Variants in MAP4K3 observed in about 807,000 individuals in gnomAD.
MAP4K3 encodes the protein mitogen-activated protein kinase kinase kinase kinase 3, also known as MAPK/ERK kinase kinase kinase 3.
Under a neutral mutation model 143.5 loss-of-function variants are expected in MAP4K3, and 94 were observed. The ratio of observed to expected loss-of-function variants is 0.65; its 90% CI spans 0.55 to 0.78. The LOEUF is 0.78. MAP4K3 is among the 30% of genes least tolerant of loss of function. The pLI is 0.00. For synonymous variants in MAP4K3, 416 were observed against 347.2 expected (o/e 1.20, Z -2.20); for missense variants, 1,077 against 1,068.1 (o/e 1.01, Z -0.12).
chr2:39,363,291 G>A (rs1173233490), intron 2 of MAP4K3, among the ~76,000 whole-genome samples: 1 of 152,112 alleles, frequency 6.6e-6, no homozygotes, highest in African/African-American at 2.4e-5. Context: ...GAAAATATTT[G>A]CAAACCATAT....
Position 39,325,789 on chromosome 2 carries a change from CA to C in MAP4K3, c.747del (p.Phe249LeufsTer2). On this transcript the variant is annotated frameshift_variant, in exon 11 of 34. Coordinates refer to ENST00000263881, the MANE Select transcript of MAP4K3 (RefSeq NM_003618.4). LOFTEE classifies it high-confidence loss of function. Reference sequence around the variant, plus strand: ...GGATTTTTGGTAAGTGCCATTTTCACAAAGTGATGAAAACTATTTGACCTAA... The same window carrying C: ...GGATTTTTGGTAAGTGCCATTTTCACAAGTGATGAAAACTATTTGACCTAA... ...KMKWSNSFHHFVKMALTKNPK... is the reference protein window; with the variant it reads ...KMKWSNSFHHXVKMALTKNPK... 1 of 1,609,016 alleles carries C rather than the reference CA, an allele frequency of 6.2e-7. No homozygotes were observed. The highest frequency in any genetic ancestry group is 8.5e-7 in the Non-Finnish European group (1 of 1,178,202).
intron 2 of MAP4K3, among the ~76,000 whole-genome samples, chr2:39,363,906 T>C (rs1462082185): frequency 1.3e-5 from 2 of 148,440 alleles, no homozygotes; most frequent in Admixed American, 1.4e-4. Flanking sequence ...AACAGATCTA[T>C]ATCAAAAGAT....
rs1395770891 is a variant in MAP4K3, at chr2:39,376,936, T to A, written c.154+1130A>T. 2.0e-5 allele frequency among the ~76,000 whole-genome samples: 3 copies of A among 152,292 alleles called. No homozygotes were observed. The East Asian group carries it at 5.8e-4, about 29-fold the overall frequency. On this transcript the variant is annotated intron_variant, in intron 2 of 33. Transcript: ENST00000263881. ...AAGAGTAGGAGATTCAGAAAAAAGA[T>A]AAACATCTTGTCTTGCGATGTTTAG...
chr2:39,415,471 ACAGT>A (rs1017638444), intron 1 of MAP4K3, among the ~76,000 whole-genome samples: 2 of 152,150 alleles, frequency 1.3e-5, no homozygotes, highest in African/African-American at 2.4e-5. Flanking sequence ...GAAAAAGGAG[ACAGT>A]CAATTAAAAG....
intron 7 of MAP4K3, among the ~76,000 whole-genome samples, chr2:39,332,990 T>C (rs1406985014): frequency 3.9e-5 from 6 of 152,122 alleles, no homozygotes; most frequent in East Asian, 1.9e-4. Context: ...CGAACACTTG[T>C]TCTTAAACTT....
chr2:39,352,734 A>G (rs1433745888), intron 3 of MAP4K3, among the ~76,000 whole-genome samples: 1 of 152,202 alleles, frequency 6.6e-6, no homozygotes, highest in Non-Finnish European at 1.5e-5. Context: ...AAGCGAGCAC[A>G]GCTACCCTGA....
intron 1 of MAP4K3, among the ~76,000 whole-genome samples, chr2:39,407,206 G>C (rs1667120170): frequency 1.3e-5 from 2 of 152,062 alleles, no homozygotes; most frequent in African/African-American, 4.8e-5. Flanking sequence ...AGGAAATAAA[G>C]AGAACTGTGC....
At position 39,285,791 on chromosome 2, in the gene MAP4K3, T is replaced by C. The variant is rs890381720; in HGVS notation, c.1587+1061A>G. ...AAAAACTTCCAAAAAACCCTATTCA[T>C]CTTGTTGACATCTGTTGAGATATTG... On this transcript the variant is annotated intron_variant, in intron 21 of 33. Coordinates refer to ENST00000263881, the MANE Select transcript of MAP4K3 (RefSeq NM_003618.4). Among the ~76,000 whole-genome samples, 39 of 152,272 alleles carry C rather than the reference T, an allele frequency of 2.6e-4. 1 individual carries two copies. Among genetic ancestry groups the C allele is most frequent in the Non-Finnish European group, 5.1e-4 (35 of 68,008 alleles).
intron 2 of MAP4K3, 32 bp from the exon 3 acceptor site, chr2:39,356,371 A>G (rs1318072456): frequency 8.1e-7 from 1 of 1,236,934 alleles, no homozygotes; most frequent in Non-Finnish European, 1.2e-6. Flanking sequence ...TTGAATATTT[A>G]GAGGTAAGTT....
chr2:39,433,043 A>G (rs1483972925), intron 1 of MAP4K3, among the ~76,000 whole-genome samples: 1 of 152,232 alleles, frequency 6.6e-6, no homozygotes, highest in Non-Finnish European at 1.5e-5. Context: ...AGGTTAAGCA[A>G]AGTTTACCAG....
chr2:39,400,538 T>C (rs1030908674), intron 1 of MAP4K3, among the ~76,000 whole-genome samples: 4 of 152,132 alleles, frequency 2.6e-5, no homozygotes, highest in Non-Finnish European at 1.5e-5. Context: ...TTCCCCTTCA[T>C]TTAGTTCCTG....
rs147630307 is a variant in MAP4K3, at chr2:39,354,397, C to A, written c.245+1852G>T. On this transcript the variant is annotated intron_variant, in intron 3 of 33. Coordinates refer to ENST00000263881, the MANE Select transcript of MAP4K3 (RefSeq NM_003618.4). ...GGTGGAGCTTGCAGTGAGCTGAGAT[C>A]GCGCCACTGCACTCCAGCCTGGGTG... 7.3e-3 allele frequency among the ~76,000 whole-genome samples: 1,115 copies of A among 152,104 alleles called. 12 individuals carry two copies. The highest frequency in any genetic ancestry group is 0.025 in the African/African-American group (1,049 of 41,502).
At chr2:39,398,744 AATGATG>A (rs1253448472) in intron 1 of MAP4K3, among the ~76,000 whole-genome samples, 4 of 130,170 alleles carry the variant, frequency 3.1e-5, no homozygotes, top group African/African-American at 1.2e-4. Context: ...TAATAATAAT[AATGATG>A]ATGATAATAA....
At chr2:39,284,830 C>A (rs1681693326) in intron 21 of MAP4K3, among the ~76,000 whole-genome samples, 1 of 150,934 alleles carries the variant, frequency 6.6e-6, no homozygotes, top group Non-Finnish European at 1.5e-5. Flanking sequence ...GGCGACAGAG[C>A]GAGACTCCAT....
chr2:39,400,051 C>A (rs1249215028), intron 1 of MAP4K3, among the ~76,000 whole-genome samples: 2 of 152,162 alleles, frequency 1.3e-5, no homozygotes, highest in Non-Finnish European at 2.9e-5. Context: ...GACAATGCTA[C>A]CGACATCCAT....
At chr2:39,366,934 C>A (rs564669498) in intron 2 of MAP4K3, among the ~76,000 whole-genome samples, 154 of 152,102 alleles carry the variant, frequency 1.0e-3, no homozygotes, top group Non-Finnish European at 1.7e-3. Context: ...AAGCCCTGAT[C>A]AATAACACAG....
In MAP4K3 at chr2:39,280,302, C is replaced by A; in HGVS notation, c.1684G>T (p.Ala562Ser). 1.3e-6 allele frequency: 2 copies of A among 1,598,588 alleles called. No homozygotes were observed. The highest frequency in any genetic ancestry group is 1.7e-6 in the Non-Finnish European group (2 of 1,170,688). Residue 562 changes from alanine to serine, a missense_variant, in exon 23 of 34, where the codon GCA (alanine) becomes TCA (serine). Coordinates refer to ENST00000263881, the MANE Select transcript of MAP4K3 (RefSeq NM_003618.4). ...GTATCTGGGTTTATCCATGATGATGCACAGTGAATTTTCAAGGGACACCCA... is the reference window on the plus strand; with the variant it reads ...GTATCTGGGTTTATCCATGATGATGAACAGTGAATTTTCAAGGGACACCCA... ...FNGCPLKIHC[A>S]SSWINPDTRD...
intron 31 of MAP4K3, among the ~76,000 whole-genome samples, chr2:39,256,179 TCTTA>T (rs1680336025): frequency 6.6e-6 from 1 of 152,240 alleles, no homozygotes; most frequent in Non-Finnish European, 1.5e-5. Context: ...CTCTGAATTC[TCTTA>T]CTAACTCTAG....
At chr2:39,305,987 C>G (rs1361560969) in intron 15 of MAP4K3, among the ~76,000 whole-genome samples, 1 of 152,052 alleles carries the variant, frequency 6.6e-6, no homozygotes, top group African/African-American at 2.4e-5. Flanking sequence ...TGCCACCATG[C>G]CTAGCTAATT....
Sources: allele counts gnomAD v4.1 joint callset (sites outside exome capture counted in the v4.1 genomes callset), GRCh38; gene constraint gnomAD v4.1.1; transcripts MANE v1.5; gene names NCBI Gene and HGNC (gene_info 2026-07-23, HGNC 2026-07-21).